CSMD1: variants seen among roughly 807,000 people sequenced by gnomAD.
CSMD1 encodes CUB and Sushi multiple domains 1.
CSMD1 carries 213 observed loss-of-function variants against 417.5 expected under a neutral mutation model. The observed-to-expected ratio is 0.51, with a 90% CI of 0.46 to 0.57. CSMD1 has a LOEUF of 0.57. CSMD1 is among the 20% of genes least tolerant of loss of function. The pLI, the probability that CSMD1 is intolerant of heterozygous loss-of-function variation, is 0.00. For missense variants in CSMD1, 6,923 were observed against 4,529.7 expected (o/e 1.53, Z -15.17); for synonymous variants, 2,862 against 1,736.8 (o/e 1.65, Z -16.11).
chr8:3,786,061 G>A (rs1371425582), intron 5 of CSMD1, among the ~76,000 whole-genome samples: 1 of 152,102 alleles, frequency 6.6e-6, no homozygotes, highest in African/African-American at 2.4e-5. Flanking sequence ...TTTGGGAGGT[G>A]AGAATGAGCA....
intron 2 of CSMD1, among the ~76,000 whole-genome samples, chr8:4,492,039 A>AG (rs1406823700): frequency 6.6e-6 from 1 of 152,112 alleles, no homozygotes; most frequent in African/African-American, 2.4e-5. Context: ...AGCAAAAAAA[A>AG]AAGAAAAAAA....
At position 4,320,366 on chromosome 8, in the gene CSMD1, T is replaced by C. The variant is rs139666256; in HGVS notation, c.415+99587A>G. On this transcript the variant is annotated intron_variant, in intron 3 of 69. Coordinates refer to ENST00000635120, the MANE Select transcript of CSMD1 (RefSeq NM_033225.6). ...TCATCACACAAATAAACCTTTTTTA[T>C]TATTATTATACTTTAAGTTGTGAGG... 1.3e-4 allele frequency among the ~76,000 whole-genome samples: 20 copies of C among 152,246 alleles called. No homozygotes were observed. The East Asian group carries it at 3.5e-3, about 26-fold the overall frequency.
At chr8:4,016,883 C>G (rs1796549057) in intron 4 of CSMD1, among the ~76,000 whole-genome samples, 1 of 152,152 alleles carries the variant, frequency 6.6e-6, no homozygotes, top group Admixed American at 6.5e-5. Context: ...GTATGGTTCA[C>G]AATCCTGAAA....
intron 26 of CSMD1, among the ~76,000 whole-genome samples, chr8:3,275,137 C>G (rs1169439672): frequency 6.6e-6 from 1 of 152,170 alleles, no homozygotes; most frequent in Non-Finnish European, 1.5e-5. Context: ...GTGACAAAAT[C>G]TCTCAGCATT....
intron 5 of CSMD1, among the ~76,000 whole-genome samples, chr8:3,932,720 A>G (rs1810237889): frequency 6.6e-6 from 1 of 150,604 alleles, no homozygotes; most frequent in African/African-American, 2.4e-5. Flanking sequence ...TCTAATGTTA[A>G]TTGATTAGAA....
At chr8:4,990,409 G>A (rs558353658) in intron 1 of CSMD1, among the ~76,000 whole-genome samples, 173 of 151,894 alleles carry the variant, frequency 1.1e-3, no homozygotes, top group African/African-American at 4.1e-3. Flanking sequence ...TGTTGCCCAG[G>A]CTGGAGTGCA....
chr8:4,378,141 T>G (rs546627449), intron 3 of CSMD1, among the ~76,000 whole-genome samples: 4 of 152,352 alleles, frequency 2.6e-5, no homozygotes, highest in South Asian at 2.1e-4. Flanking sequence ...TGTACATGCT[T>G]CAATATTTCC....
chr8:4,789,493 A>G (rs2117225818), intron 1 of CSMD1, among the ~76,000 whole-genome samples: 1 of 152,278 alleles, frequency 6.6e-6, no homozygotes, highest in African/African-American at 2.4e-5. Context: ...ACATTGGATA[A>G]ATGCTAAAGC....
At chr8:4,511,373 G>C (rs1802811824) in intron 2 of CSMD1, among the ~76,000 whole-genome samples, 1 of 152,174 alleles carries the variant, frequency 6.6e-6, no homozygotes, top group South Asian at 2.1e-4. Flanking sequence ...TCCTTCGCAG[G>C]AGAATACAAA....
At chr8:4,918,007 T>C (rs1585324826) in intron 1 of CSMD1, among the ~76,000 whole-genome samples, 1 of 152,162 alleles carries the variant, frequency 6.6e-6, no homozygotes, top group Non-Finnish European at 1.5e-5. Flanking sequence ...AAAGCTGAAA[T>C]GACAGAAAAA....
At chr8:3,955,606 G>C (rs1202404675) in intron 5 of CSMD1, among the ~76,000 whole-genome samples, 5 of 151,994 alleles carry the variant, frequency 3.3e-5, no homozygotes, top group East Asian at 1.9e-4. Context: ...GCTCCATTTT[G>C]TAGTATTGAA....
intron 2 of CSMD1, among the ~76,000 whole-genome samples, chr8:4,613,837 G>A (rs1217893869): frequency 3.1e-5 from 4 of 130,658 alleles, no homozygotes; most frequent in East Asian, 4.6e-4. Flanking sequence ...TGTTATTTTT[G>A]AAAGCAGAAG....
intron 2 of CSMD1, among the ~76,000 whole-genome samples, chr8:4,600,883 G>C (rs1302848657): frequency 2.6e-5 from 4 of 151,818 alleles, no homozygotes; most frequent in Non-Finnish European, 4.4e-5. Flanking sequence ...CATTTATACA[G>C]ACTGTTGAGG....
At chr8:4,777,031 G>A (rs1220893087) in intron 1 of CSMD1, among the ~76,000 whole-genome samples, 1 of 152,010 alleles carries the variant, frequency 6.6e-6, no homozygotes, top group African/African-American at 2.4e-5. Context: ...AGTAAAGTTC[G>A]GTGTGTTGCA....
chr8:4,369,784 G>C lies in CSMD1; in HGVS notation c.415+50169C>G, dbSNP rs1476039477. 3.9e-5 allele frequency among the ~76,000 whole-genome samples: 6 copies of C among 152,256 alleles called. No individual in the cohort carries two copies. In the South Asian group the frequency reaches 1.0e-3, roughly 26 times the overall value. On this transcript the variant is annotated intron_variant, in intron 3 of 69. Transcript: ENST00000635120. ...CTGTTTGTTCATTTTCTGTTTGCCT[G>C]ATAGATCTTTATCCATCCCTTTACT...
chr8:4,294,150 C>G (rs1243124786), intron 3 of CSMD1, among the ~76,000 whole-genome samples: 1 of 152,146 alleles, frequency 6.6e-6, no homozygotes, highest in Admixed American at 6.6e-5. Flanking sequence ...TTAACCCCGA[C>G]CAGCAGCCAC....
intron 3 of CSMD1, among the ~76,000 whole-genome samples, chr8:4,170,938 G>T (rs1386658070): frequency 6.6e-6 from 1 of 151,834 alleles, no homozygotes. Flanking sequence ...TACAAGCTGT[G>T]TTACGCAAAT....
intron 1 of CSMD1, among the ~76,000 whole-genome samples, chr8:4,881,476 AT>A (rs1803396292): frequency 6.7e-6 from 1 of 148,306 alleles, no homozygotes; most frequent in Non-Finnish European, 1.5e-5. Flanking sequence ...GTCTCCCTAC[AT>A]GCAATAAACC....
At chr8:4,943,352 C>T (rs1036935032) in intron 1 of CSMD1, among the ~76,000 whole-genome samples, 2 of 151,758 alleles carry the variant, frequency 1.3e-5, no homozygotes, top group African/African-American at 2.4e-5. Flanking sequence ...AAAAATTAGC[C>T]GGGCGTGGTG....
Sources: gnomAD v4.1 joint callset for allele counts (sites outside exome capture counted in the v4.1 genomes callset) on GRCh38, gnomAD v4.1.1 for gene constraint, MANE v1.5 for transcripts, NCBI Gene and HGNC (gene_info 2026-07-23, HGNC 2026-07-21) for gene names.